The following DENND5B variants were observed in gnomAD, a reference collection of about 807,000 sequenced individuals.
DENND5B encodes DENN domain-containing protein 5B.
Under a neutral mutation model 140.6 loss-of-function variants are expected in DENND5B, and 34 were observed. That is an observed-to-expected ratio of 0.24 (90% CI 0.18 to 0.32). The LOEUF is 0.32. Among genes scored for constraint, DENND5B ranks in the 10% least tolerant of loss-of-function variants. The pLI, the probability that DENND5B is intolerant of heterozygous loss-of-function variation, is 1.00. For synonymous variants in DENND5B, 551 were observed against 562.1 expected, an observed-to-expected ratio of 0.98 and a Z score of 0.28; for missense variants, 1,142 against 1,560.2, an observed-to-expected ratio of 0.73 and a Z score of 4.52.
In DENND5B at chr12:31,480,100, T is replaced by G. The variant is rs1457465011; in HGVS notation, c.393A>C (p.Ala131=). The change falls in exon 3 of 21, where the codon GCA becomes GCC. Residue 131 remains alanine (A), a synonymous_variant. Coordinates refer to ENST00000389082, the MANE Select transcript of DENND5B (RefSeq NM_144973.4). ...EEVTSKQICT[A]MQTLYQMHNA... Reference sequence around the variant, plus strand: ...TGTGCATCTGGTAAAGTGTCTGCATTGCTGTGCAGATTTGCTTACTTGTAA... The same window carrying G: ...TGTGCATCTGGTAAAGTGTCTGCATGGCTGTGCAGATTTGCTTACTTGTAA... The G allele has an allele frequency of 6.2e-7, 1 of 1,613,896 alleles. No individual in the cohort carries two copies. The highest frequency in any genetic ancestry group is 8.5e-7 in the Non-Finnish European group (1 of 1,179,828).
intron 1 of DENND5B, among the ~76,000 whole-genome samples, chr12:31,572,998 CTT>C (rs1949877719): frequency 6.6e-6 from 1 of 152,130 alleles, no homozygotes; most frequent in Admixed American, 6.5e-5. Flanking sequence ...CTAAGAGCAT[CTT>C]TTAAAGGACC....
chr12:31,493,607 A>G (rs1052892555), intron 2 of DENND5B, among the ~76,000 whole-genome samples: 1 of 152,148 alleles, frequency 6.6e-6, no homozygotes, highest in African/African-American at 2.4e-5. Flanking sequence ...AGGAGGGCAG[A>G]TCACTTGAGG....
chr12:31,469,332 CAA>C (rs572719010), intron 3 of DENND5B, among the ~76,000 whole-genome samples: 11 of 106,058 alleles, frequency 1.0e-4, no homozygotes, highest in Admixed American at 7.6e-4. Flanking sequence ...GACTCCATCT[CAA>C]AAAAAAAAAA....
chr12:31,527,659 T>C (rs10771844), intron 1 of DENND5B, among the ~76,000 whole-genome samples: 86,566 of 151,626 alleles, frequency 0.57, 25,159 homozygotes, highest in East Asian at 0.82. Context: ...ACACCTGTAA[T>C]CCCAGCTACT....
chr12:31,441,706 ATTTTTT>A (rs1350740064), intron 7 of DENND5B, among the ~76,000 whole-genome samples: 1 of 151,610 alleles, frequency 6.6e-6, no homozygotes, highest in Non-Finnish European at 1.5e-5. Context: ...TACTATTTTT[ATTTTTT>A]GAGACAGGGC....
intron 15 of DENND5B, 149 bp downstream of exon 15, chr12:31,402,349 C>T: frequency 1.0e-6 from 1 of 981,164 alleles, no homozygotes; most frequent in Non-Finnish European, 1.5e-6. Flanking sequence ...CTTAAGACAA[C>T]TTTAGACATA....
At chr12:31,542,555 T>A (rs1948716806) in intron 1 of DENND5B, among the ~76,000 whole-genome samples, 1 of 152,178 alleles carries the variant, frequency 6.6e-6, no homozygotes. Flanking sequence ...AGGGGATGGA[T>A]ACCTCATCTT....
intron 1 of DENND5B, among the ~76,000 whole-genome samples, chr12:31,574,263 T>TAAA (rs1419001301): frequency 2.5e-3 from 118 of 47,996 alleles, no homozygotes; most frequent in South Asian, 2.7e-3. Context: ...ACCCTGTCTC[T>TAAA]AAAAAATAAT....
chr12:31,403,345 G>A (rs1941913495), intron 14 of DENND5B, among the ~76,000 whole-genome samples: 3 of 151,790 alleles, frequency 2.0e-5, no homozygotes, highest in Non-Finnish European at 4.4e-5. Context: ...AAATGTGGAA[G>A]CACGAGAGGT....
At chr12:31,463,693 C>A (rs1053387406) in intron 3 of DENND5B, among the ~76,000 whole-genome samples, 1 of 152,016 alleles carries the variant, frequency 6.6e-6, no homozygotes, top group African/African-American at 2.4e-5. Flanking sequence ...CGAGTTTTCA[C>A]TCTTGCTGCC....
chr12:31,572,129 C>G (rs1320189687), intron 1 of DENND5B, among the ~76,000 whole-genome samples: 2 of 151,812 alleles, frequency 1.3e-5, no homozygotes. Context: ...GAGGCTGAAG[C>G]AGGAGAATCC....
intron 3 of DENND5B, among the ~76,000 whole-genome samples, chr12:31,476,760 T>C (rs1179509017): frequency 6.6e-6 from 1 of 152,100 alleles, no homozygotes; most frequent in East Asian, 1.9e-4. Flanking sequence ...CTGTACTCCA[T>C]TCTGGGCAAC....
intron 1 of DENND5B, among the ~76,000 whole-genome samples, chr12:31,579,780 AGGAGGGAG>A (rs1263817691): frequency 1.9e-5 from 2 of 106,388 alleles, no homozygotes; most frequent in African/African-American, 7.2e-5. Context: ...GAAGGAAGGA[AGGAGGGAG>A]GGAGGGAGGG....
At chr12:31,405,864 GAGA>G (rs899438911) in intron 14 of DENND5B, among the ~76,000 whole-genome samples, 5 of 151,062 alleles carry the variant, frequency 3.3e-5, no homozygotes, top group Admixed American at 1.3e-4. Context: ...TTTATTTTTT[GAGA>G]AGAAGTCTTG....
At chr12:31,424,731 C>T in intron 9 of DENND5B, 44 bp from the exon 10 acceptor site, 2 of 1,587,702 alleles carry the variant, frequency 1.3e-6, no homozygotes, top group Non-Finnish European at 1.7e-6. Flanking sequence ...AGCAGTGAAA[C>T]CAAAAACCAA....
chr12:31,550,353 T>C (rs1382650099), intron 1 of DENND5B, among the ~76,000 whole-genome samples: 2 of 151,624 alleles, frequency 1.3e-5, no homozygotes, highest in Non-Finnish European at 2.9e-5. Context: ...CTGAGAACGA[T>C]GGTTTCCAGT....
chr12:31,495,942 A>G, intron 1 of DENND5B, 23 bp from the exon 2 acceptor site: 2 of 1,514,524 alleles, frequency 1.3e-6, no homozygotes, highest in South Asian at 1.2e-5. Flanking sequence ...ATACATAGTT[A>G]ATATCTAGAA....
At chr12:31,531,845 G>C (rs1150955) in intron 1 of DENND5B, among the ~76,000 whole-genome samples, 1 of 152,094 alleles carries the variant, frequency 6.6e-6, no homozygotes, top group East Asian at 1.9e-4. Flanking sequence ...AACTGGCCTA[G>C]AAGTAAAATC....
chr12:31,587,405 AATTCATACAT>A (rs1950429714), intron 1 of DENND5B, among the ~76,000 whole-genome samples: 1 of 152,012 alleles, frequency 6.6e-6, no homozygotes, highest in Non-Finnish European at 1.5e-5. Context: ...ATATTCATAG[AATTCATACAT>A]ATTCATATAA....
Sources: allele counts gnomAD v4.1 joint callset (sites outside exome capture counted in the v4.1 genomes callset), GRCh38; gene constraint gnomAD v4.1.1; transcripts MANE v1.5; gene names NCBI Gene and HGNC (gene_info 2026-07-23, HGNC 2026-07-21).